The following SLC33A1 variants were observed in gnomAD, a reference collection of about 807,000 sequenced individuals.
SLC33A1 encodes the protein solute carrier family 33 member 1.
Under a neutral mutation model 50.0 loss-of-function variants are expected in SLC33A1, and 20 were observed. The observed-to-expected ratio is 0.40, with a 90% CI of 0.28 to 0.58. The LOEUF (loss-of-function observed/expected upper bound fraction) is 0.58. Ranked by LOEUF, SLC33A1 falls within the 20% of genes least tolerant of loss-of-function variation. The pLI is 0.44. For synonymous variants in SLC33A1, 265 were observed against 251.8 expected (o/e 1.05, Z -0.50); for missense variants, 476 against 657.0 (o/e 0.72, Z 3.01).
At position 155,852,078 on chromosome 3, in the gene SLC33A1, T is replaced by C. The variant is rs77967971; in HGVS notation, c.775+1145A>G. On this transcript the variant is annotated intron_variant, in intron 1 of 5. Coordinates refer to ENST00000643144, the MANE Select transcript of SLC33A1 (RefSeq NM_004733.4). ...TCACTGACAGAATGAAGAATTTCAC[T>C]ATATTCCTGACATTGTTATTCCTGA... 2.8e-4 allele frequency among the ~76,000 whole-genome samples: 43 copies of C among 152,316 alleles called. No homozygotes were observed. In the East Asian group the frequency reaches 7.9e-3, roughly 28 times the overall value.
chr3:155,828,111 T>A lies in SLC33A1; in HGVS notation c.*99A>T. The A allele has an allele frequency of 2.3e-6, 2 of 865,492 alleles. No homozygotes were observed. The highest frequency in any genetic ancestry group is 2.3e-4 in the Middle Eastern group (1 of 4,442). 53.6% of individuals were successfully genotyped at this position (865,492 alleles called of 1,614,324 possible). A position where few individuals can be genotyped will look rare whatever the true frequency, so the allele number is the denominator to read the frequency against. ...CATTTTATATTATTAATTTCGCTGT[T>A]TAAAATAATATTTTATACTCCTGTG... On this transcript the variant is annotated 3_prime_UTR_variant, in exon 6 of 6. Transcript: ENST00000643144.
intron 1 of SLC33A1, among the ~76,000 whole-genome samples, chr3:155,847,447 T>C (rs913652017): frequency 6.6e-6 from 1 of 152,054 alleles, no homozygotes; most frequent in Non-Finnish European, 1.5e-5. Context: ...TGCTTTCTAA[T>C]TTAAAGCATC....
intron 5 of SLC33A1, among the ~76,000 whole-genome samples, 155 bp downstream of exon 5, chr3:155,829,533 G>A (rs1044168852): frequency 1.3e-5 from 2 of 152,098 alleles, no homozygotes; most frequent in African/African-American, 4.8e-5. Flanking sequence ...ATAACCCTCA[G>A]CCTTGATGTG....
At chr3:155,837,478 T>C (rs772821476) in intron 2 of SLC33A1, among the ~76,000 whole-genome samples, 10 of 152,196 alleles carry the variant, frequency 6.6e-5, no homozygotes, top group Non-Finnish European at 1.0e-4. Flanking sequence ...GGAAAACTAT[T>C]TGGCAGTACA....
At chr3:155,834,520 T>C (rs1191768470) in intron 2 of SLC33A1, among the ~76,000 whole-genome samples, 1 of 152,124 alleles carries the variant, frequency 6.6e-6, no homozygotes, top group East Asian at 1.9e-4. Context: ...AAAGTAATTC[T>C]GGGAAAACGT....
At chr3:155,832,106 G>A (rs757233164) in intron 4 of SLC33A1, among the ~76,000 whole-genome samples, 47 of 152,142 alleles carry the variant, frequency 3.1e-4, no homozygotes, top group Non-Finnish European at 4.4e-4. Context: ...GGCCAGGCGC[G>A]GTGGCTCATG....
intron 1 of SLC33A1, 172 bp downstream of exon 1, chr3:155,853,051 A>G (rs1216123356): frequency 6.3e-6 from 4 of 638,918 alleles, no homozygotes; most frequent in East Asian, 5.4e-5. Flanking sequence ...CTCTAATATC[A>G]TTCATTTTGG....
intron 1 of SLC33A1, 50 bp from the exon 2 acceptor site, chr3:155,842,669 T>C (rs1752979539): frequency 3.1e-6 from 3 of 973,392 alleles, no homozygotes; most frequent in Admixed American, 2.7e-5. Context: ...CATAATTTCA[T>C]TGATACTAAA....
At chr3:155,844,455 ATATTTTTTTTTT>A (rs1292399491) in intron 1 of SLC33A1, among the ~76,000 whole-genome samples, 31 of 23,938 alleles carry the variant, frequency 1.3e-3, no homozygotes, top group African/African-American at 3.8e-3. Context: ...ATATATATAT[ATATTTTTTTTTT>A]TTTTTTTTTT....
intron 4 of SLC33A1, among the ~76,000 whole-genome samples, chr3:155,830,194 T>A (rs1752362790): frequency 6.8e-6 from 1 of 147,290 alleles, no homozygotes; most frequent in Admixed American, 6.8e-5. Flanking sequence ...AAACCCTGTC[T>A]CTACTGAAAA....
At chr3:155,853,148 G>A (rs1753468906) in intron 1 of SLC33A1, 75 bp downstream of exon 1, 1 of 1,316,486 alleles carries the variant, frequency 7.6e-7, no homozygotes, top group South Asian at 1.2e-5. Flanking sequence ...GTAAATTAAT[G>A]AGCTTCCCTC....
At chr3:155,851,555 C>T (rs1218816619) in intron 1 of SLC33A1, among the ~76,000 whole-genome samples, 1 of 146,988 alleles carries the variant, frequency 6.8e-6, no homozygotes, top group Admixed American at 6.8e-5. Flanking sequence ...CCAGTCGTGA[C>T]TTATTTTTTA....
rs767587152 is a variant in SLC33A1 at position 155,834,012 on chromosome 3, T to C, written c.993A>G (p.Thr331=). The C allele has an allele frequency of 8.7e-6, 14 of 1,613,924 alleles. No individual in the cohort carries two copies. The highest frequency in any genetic ancestry group is 1.2e-5 in the Non-Finnish European group (14 of 1,179,882). Residue 331 remains threonine (T), a synonymous_variant, in exon 3 of 6, where the codon ACA becomes ACG. Coordinates refer to ENST00000643144, the MANE Select transcript of SLC33A1 (RefSeq NM_004733.4). ...KIGFSAADAV[T]GLKLVEEGVP... Reference sequence around the variant, plus strand: ...CTCCCTCTTCTACCAATTTCAGTCCTGTTACAGCATCTGCTGCTGAAAAAC... The same window carrying C: ...CTCCCTCTTCTACCAATTTCAGTCCCGTTACAGCATCTGCTGCTGAAAAAC...
Position 155,854,034 on chromosome 3 carries a change from G to C in SLC33A1, c.-37C>G, listed in dbSNP as rs1300311883. 8.6e-6 allele frequency: 13 copies of C among 1,507,764 alleles called. No homozygotes were observed. Among genetic ancestry groups the C allele is most frequent in the Non-Finnish European group, 1.2e-5 (13 of 1,128,744 alleles). The allele number at this position is 1,507,764 out of a possible 1,614,324, so 93.4% of individuals were successfully genotyped here. A position where few individuals can be genotyped will look rare whatever the true frequency, so the allele number is the denominator to read the frequency against. On this transcript the variant is annotated 5_prime_UTR_variant, in exon 1 of 6. Transcript: ENST00000643144. The stretch of plus-strand genomic sequence containing the variant: ...TGCAGAGCCCCGTCTGTGGGGGGCC[G>C]AGGCTGAGCGTTTTGGATCCGTCCA...
chr3:155,853,457 C>G lies in SLC33A1; in HGVS notation c.541G>C (p.Val181Leu). 6.2e-7 allele frequency: 1 copy of G among 1,614,108 alleles called. No homozygotes were observed. Among genetic ancestry groups the G allele is most frequent in the Non-Finnish European group, 8.5e-7 (1 of 1,180,020 alleles). The change falls in exon 1 of 6, where the codon GTG (valine) becomes CTG (leucine). Residue 181 changes from valine to leucine, a missense_variant. Physicochemically the swap from Val to Leu is conservative, Grantham distance 32 (BLOSUM62 1). Coordinates refer to ENST00000643144, the MANE Select transcript of SLC33A1 (RefSeq NM_004733.4). ...DRTPDVIALT[V>L]AFFLFEFLAA... ...AAGAATTCAAACAAAAAGAACGCCA[C>G]AGTGAGAGCAATCACGTCGGGTGTT...
rs372330518 is a variant in SLC33A1, at chr3:155,822,534, T to G, written c.*5676A>C. Reference sequence around the variant, plus strand: ...AGCAGGCAGAGGGTGCAGGGAGTCATGCCACTGCACTCCAGCCTGGGCGAC... The same window carrying G: ...AGCAGGCAGAGGGTGCAGGGAGTCAGGCCACTGCACTCCAGCCTGGGCGAC... On this transcript the variant is annotated 3_prime_UTR_variant, in exon 6 of 6. Coordinates refer to ENST00000643144, the MANE Select transcript of SLC33A1 (RefSeq NM_004733.4). 7.0e-6 allele frequency: 1 copy of G among 142,324 alleles called. No homozygotes were observed. Among genetic ancestry groups the G allele is most frequent in the Non-Finnish European group, 1.5e-5 (1 of 66,948 alleles). The allele number at this position is 142,324 out of a possible 1,614,324, so 8.8% of individuals were successfully genotyped here. A position where few individuals can be genotyped will look rare whatever the true frequency, so the allele number is the denominator to read the frequency against.
At chr3:155,848,637 G>A (rs566082062) in intron 1 of SLC33A1, among the ~76,000 whole-genome samples, 3 of 152,042 alleles carry the variant, frequency 2.0e-5, no homozygotes, top group South Asian at 2.1e-4. Flanking sequence ...AGCAGAGATC[G>A]CACCACTGCA....
In SLC33A1 at chr3:155,853,545, T is replaced by C; in HGVS notation, c.453A>G (p.Leu151=). ...TGGATAAATAGATCATGAAGAGTCC[T>C]AGTATATACTGTGTCGGGACAAGCC... is the stretch of plus-strand genomic sequence containing the variant. ...KSWLVPTQYI[L]GLFMIYLSTQ... is the part of the protein sequence containing the mutation. Residue 151 remains leucine (L), a synonymous_variant, in exon 1 of 6, where the codon CTA becomes CTG. Transcript: ENST00000643144. 2 of 1,614,120 alleles carry C rather than the reference T, an allele frequency of 1.2e-6. No homozygotes were observed. Among genetic ancestry groups the C allele is most frequent in the South Asian group, 1.1e-5 (1 of 91,080 alleles).
Position 155,833,839 on chromosome 3 carries a change from G to GT in SLC33A1, c.1148+17dup. 1 of 1,592,948 alleles carries GT rather than the reference G, an allele frequency of 6.3e-7. No homozygotes were observed. The highest frequency in any genetic ancestry group is 8.6e-7 in the Non-Finnish European group (1 of 1,161,164). ...ATTTTACCCTTTCTTATTTAGTAAG[G>GT]TTTTATTTCATTTTTACCTGTAGGG... On this transcript the variant is annotated intron_variant, in intron 3 of 5. Transcript: ENST00000643144.
Sources: gnomAD v4.1 joint callset for allele counts (sites outside exome capture counted in the v4.1 genomes callset) on GRCh38, gnomAD v4.1.1 for gene constraint, MANE v1.5 for transcripts, NCBI Gene and HGNC (gene_info 2026-07-23, HGNC 2026-07-21) for gene names.